Variants in CLVS1 observed in about 807,000 individuals in gnomAD.
CLVS1 encodes clavesin-1.
Under a neutral mutation model 33.1 loss-of-function variants are expected in CLVS1, and 10 were observed. The observed-to-expected ratio is 0.30, with a 90% CI of 0.19 to 0.51. The LOEUF is 0.51. Among genes scored for constraint, CLVS1 ranks in the 20% least tolerant of loss-of-function variants. The pLI, the probability that CLVS1 is intolerant of heterozygous loss-of-function variation, is 0.97. For synonymous variants in CLVS1, 163 were observed against 166.1 expected (o/e 0.98, Z 0.14); for missense variants, 343 against 433.4 (o/e 0.79, Z 1.85).
At chr8:61,021,411 C>T in the CLVS1 span, among the ~76,000 whole-genome samples, 15 of 152,238 alleles carry the variant, frequency 9.9e-5, no homozygotes, top group African/African-American at 2.6e-4. Flanking sequence ...AGTGCAATGG[C>T]GCGATCTCAG....
chr8:60,989,550 G>A, the CLVS1 span, among the ~76,000 whole-genome samples: 28 of 152,170 alleles, frequency 1.8e-4, no homozygotes, highest in African/African-American at 5.5e-4. Context: ...CTTTGTCTAC[G>A]TGACCCCTGA....
At chr8:61,442,931 T>C (rs1816619228) in intron 3 of CLVS1, among the ~76,000 whole-genome samples, 1 of 152,168 alleles carries the variant, frequency 6.6e-6, no homozygotes, top group Non-Finnish European at 1.5e-5. Context: ...GCCATTCTGA[T>C]GGATTTGTAG....
At position 61,232,023 on chromosome 8, in the gene CLVS1, G is replaced by GTTTGTTTGTTTGTTTGTTTGTTTTTTTTT; in HGVS notation, c.-151-67651_-151-67650insGTTTGTTTGTTTGTTTGTTTTTTTTTTTT. ...AGAAGGAGCCCTGAGGAAAGTTGTG[G>GTTTGTTTGTTTGTTTGTTTGTTTTTTTTT]TTTTTTTTTTTTTTTTTTTTTTTTT... is the stretch of plus-strand genomic sequence containing the variant. On this transcript the variant is annotated intron_variant, in intron 2 of 2. Transcript: ENST00000522621. Among the ~76,000 whole-genome samples, 30 of 62,652 alleles carry GTTTGTTTGTTTGTTTGTTTGTTTTTTTTT rather than the reference G, an allele frequency of 4.8e-4. 2 individuals are homozygous for GTTTGTTTGTTTGTTTGTTTGTTTTTTTTT. Among genetic ancestry groups the GTTTGTTTGTTTGTTTGTTTGTTTTTTTTT allele is most frequent in the African/African-American group, 1.4e-3 (29 of 21,118 alleles). 41.1% of individuals were successfully genotyped at this position (62,652 alleles called of 152,430 possible).
intron 2 of CLVS1, among the ~76,000 whole-genome samples, chr8:61,229,020 GAC>G (rs1808382864): frequency 6.6e-6 from 1 of 152,132 alleles, no homozygotes; most frequent in Non-Finnish European, 1.5e-5. Flanking sequence ...AGTGTGCAAA[GAC>G]ACCCTTTTCT....
At chr8:61,395,294 C>T (rs1489678884) in intron 3 of CLVS1, among the ~76,000 whole-genome samples, 1 of 151,964 alleles carries the variant, frequency 6.6e-6, no homozygotes. Context: ...TTACCAGAGG[C>T]TGGGGGAGAG....
chr8:61,072,309 A>G (rs984708381), intron 1 of CLVS1, among the ~76,000 whole-genome samples: 1 of 152,092 alleles, frequency 6.6e-6, no homozygotes, highest in Non-Finnish European at 1.5e-5. Flanking sequence ...GAGCTTCAAC[A>G]CTCATCCATG....
At chr8:61,456,917 CA>C (rs764079859) in intron 4 of CLVS1, among the ~76,000 whole-genome samples, 484 of 124,156 alleles carry the variant, frequency 3.9e-3, no homozygotes, top group South Asian at 4.5e-3. Flanking sequence ...GACTCCGTCT[CA>C]AAAAAAAAAA....
At position 61,340,012 on chromosome 8, in the gene CLVS1, AAAAG is replaced by A. The variant is rs201491374; in HGVS notation, c.456-36584_456-36581del. Among the ~76,000 whole-genome samples, 183 of 150,722 alleles carry A rather than the reference AAAAG, an allele frequency of 1.2e-3. No individual in the cohort carries two copies. In the East Asian group the frequency reaches 0.014, roughly 11 times the overall value. ...AAAGAGAAAATGAAAGAAAGGAAGA[AAAAG>A]AAAGAAAGGAAAAGAAAGAAAAAAG... On this transcript the variant is annotated intron_variant, in intron 2 of 5. Transcript: ENST00000325897.
chr8:61,240,692 T>C (rs890973508), intron 2 of CLVS1, among the ~76,000 whole-genome samples: 1 of 152,196 alleles, frequency 6.6e-6, no homozygotes, highest in African/African-American at 2.4e-5. Flanking sequence ...TTGATTTGTG[T>C]GCACTGTAGT....
chr8:61,425,251 T>C (rs1329831918), intron 3 of CLVS1, among the ~76,000 whole-genome samples: 1 of 152,186 alleles, frequency 6.6e-6, no homozygotes, highest in Non-Finnish European at 1.5e-5. Flanking sequence ...TTAAGGTACT[T>C]TGCATTTCAA....
Position 61,114,445 on chromosome 8 carries a change from C to T in CLVS1, c.-242-17325C>T, listed in dbSNP as rs930414007. ...TCTCAGGTAGTGACTTTAACAGAAA[C>T]GATGTAATGAAAGACCAGATTCCTA... On this transcript the variant is annotated intron_variant, in intron 1 of 2. Coordinates refer to the CLVS1 transcript ENST00000522621. Among the ~76,000 whole-genome samples, 5 of 152,156 alleles carry T rather than the reference C, an allele frequency of 3.3e-5. No individual in the cohort carries two copies. The East Asian group carries it at 7.7e-4, about 23-fold the overall frequency.
chr8:61,377,044 G>A (rs535563978), intron 3 of CLVS1: 23 of 352,680 alleles, frequency 6.5e-5, no homozygotes, highest in Non-Finnish European at 9.1e-5. Flanking sequence ...CAAGATGTTC[G>A]GCTTAATCCA....
At chr8:61,092,780 C>T (rs891104288) in intron 1 of CLVS1, among the ~76,000 whole-genome samples, 1 of 152,188 alleles carries the variant, frequency 6.6e-6, no homozygotes, top group Non-Finnish European at 1.5e-5. Flanking sequence ...CAATGAGTGA[C>T]CCTAATTCCA....
intron 2 of CLVS1, among the ~76,000 whole-genome samples, chr8:61,177,905 G>T (rs1160613313): frequency 6.6e-6 from 1 of 151,830 alleles, no homozygotes; most frequent in Non-Finnish European, 1.5e-5. Flanking sequence ...ATGAAAAAAT[G>T]CTGAAAACCC....
chr8:61,294,830 T>C (rs1810134339), intron 1 of CLVS1, among the ~76,000 whole-genome samples: 1 of 152,124 alleles, frequency 6.6e-6, no homozygotes, highest in African/African-American at 2.4e-5. Context: ...ATTATCATAG[T>C]TTTCTGAAAA....
chr8:61,416,305 GATACATACATACATAC>G (rs61146034), intron 3 of CLVS1, among the ~76,000 whole-genome samples: 2 of 107,206 alleles, frequency 1.9e-5, no homozygotes, highest in Admixed American at 8.8e-5. Context: ...TAGCTAGCTA[GATACATACATACATAC>G]ATACATACAT....
chr8:61,324,090 G>A (rs778381981), intron 2 of CLVS1, among the ~76,000 whole-genome samples: 1 of 152,074 alleles, frequency 6.6e-6, no homozygotes, highest in Non-Finnish European at 1.5e-5. Context: ...TCTGAATAGT[G>A]CTGCAATGAA....
chr8:61,216,070 TTTCTC>T (rs1376191435), intron 2 of CLVS1, among the ~76,000 whole-genome samples: 1 of 152,180 alleles, frequency 6.6e-6, no homozygotes, highest in African/African-American at 2.4e-5. Flanking sequence ...TTGCCTTCAC[TTTCTC>T]CTCTCCTAGA....
At chr8:61,065,328 T>C (rs754487777) in intron 1 of CLVS1, among the ~76,000 whole-genome samples, 8 of 152,244 alleles carry the variant, frequency 5.3e-5, no homozygotes, top group African/African-American at 1.9e-4. Context: ...TCAGTACAGA[T>C]ACAATCATCT....
Sources: allele counts gnomAD v4.1 joint callset (sites outside exome capture counted in the v4.1 genomes callset), GRCh38; gene constraint gnomAD v4.1.1; transcripts MANE v1.5; gene names NCBI Gene and HGNC (gene_info 2026-07-23, HGNC 2026-07-21).